DLGAP1: variants seen among roughly 807,000 people sequenced by gnomAD.
DLGAP1 encodes the protein disks large-associated protein 1.
Under a neutral mutation model 90.8 loss-of-function variants are expected in DLGAP1, and 11 were observed. The ratio of observed to expected loss-of-function variants is 0.12; its 90% CI spans 0.08 to 0.20. DLGAP1 has a LOEUF of 0.20. Among genes scored for constraint, DLGAP1 ranks in the 10% least tolerant of loss-of-function variants. The pLI is 1.00. For missense variants in DLGAP1, 1,050 were observed against 1,333.8 expected (o/e 0.79, Z 3.31); for synonymous variants, 558 against 540.7 (o/e 1.03, Z -0.44).
intron 1 of DLGAP1, among the ~76,000 whole-genome samples, chr18:4,179,367 C>T (rs981719463): frequency 2.0e-5 from 3 of 152,172 alleles, no homozygotes; most frequent in Non-Finnish European, 4.4e-5. Context: ...GGCAGAAATG[C>T]TCCCTATTCA....
intron 4 of DLGAP1, among the ~76,000 whole-genome samples, chr18:3,815,142 C>T (rs1306580196): frequency 6.6e-6 from 1 of 152,184 alleles, no homozygotes; most frequent in African/African-American, 2.4e-5. Flanking sequence ...TTTCAATTGC[C>T]ATTTAAGATT....
chr18:3,913,538 T>A (rs1202961314), intron 3 of DLGAP1, among the ~76,000 whole-genome samples: 1 of 152,232 alleles, frequency 6.6e-6, no homozygotes, highest in Non-Finnish European at 1.5e-5. Context: ...TATATTTACT[T>A]TTTCTACTTT....
chr18:4,252,941 A>G (rs1483532527), intron 1 of DLGAP1, among the ~76,000 whole-genome samples: 6 of 152,182 alleles, frequency 3.9e-5, no homozygotes, highest in African/African-American at 1.4e-4. Context: ...AGGCACTTGG[A>G]GATTGATCTT....
chr18:4,240,950 T>C (rs1200544665), intron 1 of DLGAP1, among the ~76,000 whole-genome samples: 1 of 152,258 alleles, frequency 6.6e-6, no homozygotes, highest in African/African-American at 2.4e-5. Context: ...CTCTTTCATG[T>C]CAGCATTCAT....
At chr18:3,725,142 G>GT (rs1258431451) in intron 7 of DLGAP1, among the ~76,000 whole-genome samples, 5 of 152,128 alleles carry the variant, frequency 3.3e-5, no homozygotes, top group African/African-American at 7.2e-5. Context: ...CCTTTTTGAA[G>GT]TTTTTTCTGT....
In DLGAP1 at chr18:3,563,674, G is replaced by A. The variant is rs539734478; in HGVS notation, c.2057+3816C>T. The stretch of plus-strand genomic sequence containing the variant: ...AGTAGAGATGGGGTTTCTCCATGTT[G>A]GCCAGGCTGGTCTTGAACTCCTGAG... On this transcript the variant is annotated intron_variant, in intron 9 of 12. Transcript: ENST00000315677. 3.3e-5 allele frequency among the ~76,000 whole-genome samples: 5 copies of A among 152,132 alleles called. No homozygotes were observed. The East Asian group carries it at 7.7e-4, about 23-fold the overall frequency.
chr18:3,813,808 T>C (rs1598851833), intron 5 of DLGAP1, among the ~76,000 whole-genome samples: 1 of 152,118 alleles, frequency 6.6e-6, no homozygotes, highest in East Asian at 1.9e-4. Flanking sequence ...GAATGGCTTC[T>C]GAAAAGATGG....
chr18:3,871,909 G>A (rs1344374337), intron 4 of DLGAP1, among the ~76,000 whole-genome samples: 1 of 152,132 alleles, frequency 6.6e-6, no homozygotes, highest in East Asian at 1.9e-4. Context: ...GTAACCGCAG[G>A]CTCACATAAT....
intron 1 of DLGAP1, among the ~76,000 whole-genome samples, chr18:4,426,765 G>A (rs549409939): frequency 6.6e-6 from 1 of 152,242 alleles, no homozygotes; most frequent in East Asian, 1.9e-4. Context: ...TTAAATTATT[G>A]TTTTCCTCTT....
At chr18:3,667,125 C>T (rs1336903637) in intron 7 of DLGAP1, among the ~76,000 whole-genome samples, 1 of 151,524 alleles carries the variant, frequency 6.6e-6, no homozygotes, top group Non-Finnish European at 1.5e-5. Flanking sequence ...GTTGCCCAGG[C>T]TGGAGTGCAG....
intron 3 of DLGAP1, among the ~76,000 whole-genome samples, chr18:3,927,705 C>T (rs1009306339): frequency 6.6e-5 from 10 of 152,174 alleles, no homozygotes; most frequent in African/African-American, 2.2e-4. Context: ...TTCATAGAGT[C>T]TTTAAACATG....
chr18:3,742,210 C>G (rs998886265), intron 6 of DLGAP1, 125 bp downstream of exon 6: 2 of 1,218,206 alleles, frequency 1.6e-6, no homozygotes, highest in African/African-American at 3.0e-5. Flanking sequence ...TTGACTGGAC[C>G]TCCTGTCTGA....
At chr18:4,320,717 TACACACACACACACACACAC>T (rs71160954) in intron 1 of DLGAP1, among the ~76,000 whole-genome samples, 34,978 of 146,834 alleles carry the variant, frequency 0.24, 4,755 homozygotes, top group African/African-American at 0.37. Context: ...ATTACAATTT[TACACACACACACACACACAC>T]ACACACACAC....
chr18:3,716,903 C>T (rs992317815), intron 7 of DLGAP1, among the ~76,000 whole-genome samples: 2 of 151,512 alleles, frequency 1.3e-5, no homozygotes, highest in African/African-American at 2.4e-5. Context: ...CGGAGGTGGG[C>T]GGATTGCTTG....
intron 1 of DLGAP1, among the ~76,000 whole-genome samples, chr18:4,205,800 T>C (rs1391784387): frequency 1.3e-5 from 2 of 152,184 alleles, no homozygotes; most frequent in African/African-American, 2.4e-5. Flanking sequence ...CAAATACTAA[T>C]AGACAGTGCT....
chr18:4,009,287 T>C (rs2074371050), intron 2 of DLGAP1, among the ~76,000 whole-genome samples: 1 of 152,164 alleles, frequency 6.6e-6, no homozygotes, highest in Non-Finnish European at 1.5e-5. Context: ...ATGCGGATCA[T>C]CAGGTCGCTG....
At position 3,572,436 on chromosome 18, in the gene DLGAP1, A is replaced by G. The variant is rs201765200; in HGVS notation, c.1966-4855T>C. On this transcript the variant is annotated intron_variant, in intron 8 of 12. Coordinates refer to ENST00000315677, the MANE Select transcript of DLGAP1 (RefSeq NM_004746.4). Reference sequence around the variant, plus strand: ...TTAGATTGGTTTCTTTTATTTATTTATTTGTTTGTTTGTTTGTTTGTTTGT... The same window carrying G: ...TTAGATTGGTTTCTTTTATTTATTTGTTTGTTTGTTTGTTTGTTTGTTTGT... Among the ~76,000 whole-genome samples the G allele has an allele frequency of 4.3e-3, 638 of 149,624 alleles. 5 individuals carry two copies. The highest frequency in any genetic ancestry group is 0.01 in the Middle Eastern group (3 of 290).
chr18:4,443,670 A>C (rs554901805), intron 1 of DLGAP1, among the ~76,000 whole-genome samples: 2 of 152,310 alleles, frequency 1.3e-5, no homozygotes, highest in East Asian at 3.9e-4. Context: ...ACCTATCTGT[A>C]AATTGGTATT....
chr18:4,099,044 T>C (rs1333337082), intron 2 of DLGAP1, among the ~76,000 whole-genome samples: 2 of 152,168 alleles, frequency 1.3e-5, no homozygotes, highest in African/African-American at 4.8e-5. Flanking sequence ...CTAAGCTGCA[T>C]TTCCCATCCA....
Sources: gnomAD v4.1 joint callset for allele counts (sites outside exome capture counted in the v4.1 genomes callset) on GRCh38, gnomAD v4.1.1 for gene constraint, MANE v1.5 for transcripts, NCBI Gene and HGNC (gene_info 2026-07-23, HGNC 2026-07-21) for gene names.